Variants in PTPRG observed in about 807,000 individuals in gnomAD.
PTPRG encodes the protein protein tyrosine phosphatase receptor type G, also known as receptor-type tyrosine-protein phosphatase gamma.
A neutral mutation model predicts 165.3 loss-of-function variants in PTPRG; 102 were observed. The observed-to-expected ratio is 0.62, with a 90% CI of 0.53 to 0.73. PTPRG has a LOEUF of 0.73. Ranked by LOEUF, PTPRG falls within the 30% of genes least tolerant of loss-of-function variation. The pLI is 0.00. For synonymous variants in PTPRG, 675 were observed against 669.5 expected (o/e 1.01, Z -0.13); for missense variants, 1,866 against 1,861.4 (o/e 1.00, Z -0.05).
chr3:61,848,233 T>C (rs2036860305), intron 2 of PTPRG, among the ~76,000 whole-genome samples: 2 of 152,204 alleles, frequency 1.3e-5, no homozygotes, highest in South Asian at 4.1e-4. Context: ...CCTCCCTCCA[T>C]GTTTGCACTC....
At chr3:62,191,283 A>T (rs375626442) in intron 8 of PTPRG, among the ~76,000 whole-genome samples, 186 bp from the exon 9 acceptor site, 3 of 149,360 alleles carry the variant, frequency 2.0e-5, no homozygotes, top group South Asian at 4.4e-4. Context: ...CGTGTGTGTG[A>T]GAGAGAGGGA....
intron 2 of PTPRG, among the ~76,000 whole-genome samples, chr3:61,751,431 A>G (rs891566972): frequency 2.6e-5 from 4 of 152,210 alleles, no homozygotes; most frequent in Non-Finnish European, 5.9e-5. Context: ...CAGTTCCTCA[A>G]AGATTGCTTT....
intron 2 of PTPRG, among the ~76,000 whole-genome samples, chr3:61,949,914 A>AT (rs2039858674): frequency 6.6e-6 from 1 of 151,808 alleles, no homozygotes; most frequent in South Asian, 2.1e-4. Context: ...TGCCCGGCTA[A>AT]TTTTTGTATT....
chr3:61,752,748 T>C (rs1397828027), intron 2 of PTPRG, among the ~76,000 whole-genome samples: 1 of 126,340 alleles, frequency 7.9e-6, no homozygotes, highest in Non-Finnish European at 1.6e-5. Flanking sequence ...ATCGTGCCAC[T>C]GTATATTCCA....
rs180724859 is a variant in PTPRG at position 61,655,450 on chromosome 3, G to A, written c.85+93078G>A. ...CCAGGATACTGCCTGGCACATAGTA[G>A]ATGTTCAGAAATATGGACTAAATGA... On this transcript the variant is annotated intron_variant, in intron 1 of 29. Coordinates refer to ENST00000474889, the MANE Select transcript of PTPRG (RefSeq NM_002841.4). 5.3e-5 allele frequency among the ~76,000 whole-genome samples: 8 copies of A among 152,260 alleles called. No homozygotes were observed. In the East Asian group the frequency reaches 1.5e-3, roughly 29 times the overall value.
intron 4 of PTPRG, among the ~76,000 whole-genome samples, chr3:62,048,582 A>C (rs1293502601): frequency 6.6e-6 from 1 of 152,222 alleles, no homozygotes; most frequent in Non-Finnish European, 1.5e-5. Flanking sequence ...TTTTTTATAT[A>C]AACTTATCTC....
chr3:61,629,317 G>A (rs1701702402), intron 1 of PTPRG, among the ~76,000 whole-genome samples: 1 of 151,992 alleles, frequency 6.6e-6, no homozygotes, highest in East Asian at 1.9e-4. Flanking sequence ...ACCATGACCG[G>A]CTAATTTTTG....
intron 2 of PTPRG, among the ~76,000 whole-genome samples, chr3:61,941,463 A>G (rs1454308765): frequency 2.6e-5 from 4 of 152,092 alleles, no homozygotes; most frequent in South Asian, 2.1e-4. Flanking sequence ...TCTCTACTAA[A>G]ATACAAAAAA....
intron 1 of PTPRG, among the ~76,000 whole-genome samples, chr3:61,724,002 C>T (rs937644036): frequency 5.9e-5 from 9 of 152,094 alleles, no homozygotes; most frequent in Non-Finnish European, 1.0e-4. Flanking sequence ...GAGGCTGAGG[C>T]GGGTGGATCA....
intron 1 of PTPRG, among the ~76,000 whole-genome samples, chr3:61,734,053 A>AT (rs561171897): frequency 6.6e-6 from 1 of 152,316 alleles, no homozygotes; most frequent in South Asian, 2.1e-4. Context: ...AAGTACTGCG[A>AT]TTACAGGCAT....
At chr3:61,631,127 G>A in intron 1 of PTPRG, among the ~76,000 whole-genome samples, 1 of 151,434 alleles carries the variant, frequency 6.6e-6, no homozygotes, top group Non-Finnish European at 1.5e-5. Context: ...TCAGACTATT[G>A]GAAGCAGGGA....
At chr3:61,694,387 ATGTT>A (rs1156607963) in intron 1 of PTPRG, among the ~76,000 whole-genome samples, 1 of 152,216 alleles carries the variant, frequency 6.6e-6, no homozygotes, top group Non-Finnish European at 1.5e-5. Flanking sequence ...GAAGATCAAA[ATGTT>A]TGATAAAATA....
intron 1 of PTPRG, among the ~76,000 whole-genome samples, chr3:61,647,601 T>C (rs1026235773): frequency 5.3e-5 from 8 of 151,946 alleles, no homozygotes; most frequent in African/African-American, 1.2e-4. Flanking sequence ...CCATCCTGGC[T>C]AACACAGTGA....
At chr3:61,906,883 C>T (rs956363581) in intron 2 of PTPRG, among the ~76,000 whole-genome samples, 2 of 152,022 alleles carry the variant, frequency 1.3e-5, no homozygotes, top group African/African-American at 4.8e-5. Flanking sequence ...TTTTAAAACG[C>T]TGTCTGACTA....
chr3:61,961,770 G>A (rs2040157728), intron 2 of PTPRG, among the ~76,000 whole-genome samples: 2 of 152,260 alleles, frequency 1.3e-5, no homozygotes, highest in South Asian at 4.1e-4. Flanking sequence ...AACAGCATCA[G>A]CATCAACCCA....
At chr3:61,938,801 T>C (rs1383541086) in intron 2 of PTPRG, among the ~76,000 whole-genome samples, 1 of 152,250 alleles carries the variant, frequency 6.6e-6, no homozygotes, top group African/African-American at 2.4e-5. Flanking sequence ...CAGGTACATC[T>C]TCTGGAATGA....
intron 1 of PTPRG, among the ~76,000 whole-genome samples, chr3:61,650,318 T>C (rs1377727933): frequency 1.3e-5 from 2 of 152,198 alleles, no homozygotes; most frequent in Non-Finnish European, 2.9e-5. Flanking sequence ...AATCTACCAT[T>C]GCCACTCACC....
At chr3:62,112,871 C>G (rs1702720975) in intron 5 of PTPRG, among the ~76,000 whole-genome samples, 1 of 152,204 alleles carries the variant, frequency 6.6e-6, no homozygotes, top group Non-Finnish European at 1.5e-5. Flanking sequence ...AGTTTGGTGT[C>G]AGATGTCCAT....
intron 1 of PTPRG, among the ~76,000 whole-genome samples, chr3:61,652,315 A>T (rs1428002105): frequency 6.6e-6 from 1 of 152,118 alleles, no homozygotes; most frequent in African/African-American, 2.4e-5. Flanking sequence ...AAAGTAAGTA[A>T]ATAAAAAATA....
Sources: allele counts gnomAD v4.1 joint callset (sites outside exome capture counted in the v4.1 genomes callset), GRCh38; gene constraint gnomAD v4.1.1; transcripts MANE v1.5; gene names NCBI Gene and HGNC (gene_info 2026-07-23, HGNC 2026-07-21).